CNOT10: variants seen among roughly 807,000 people sequenced by gnomAD.
CNOT10 encodes CCR4-NOT transcription complex, subunit 10.
In CNOT10, 30 loss-of-function variants were observed where a neutral mutation model predicts 94.6. The observed-to-expected ratio is 0.32, with a 90% CI of 0.24 to 0.43. The LOEUF is 0.43. CNOT10 is among the 20% of genes least tolerant of loss of function. The probability of loss-of-function intolerance (pLI) is 1.00; values close to 1 mark genes in which losing one functional copy is unlikely to be tolerated. For synonymous variants in CNOT10, 289 were observed against 301.6 expected (o/e 0.96, Z 0.43); for missense variants, 759 against 877.2 (o/e 0.87, Z 1.70).
intron 1 of CNOT10, among the ~76,000 whole-genome samples, chr3:32,699,924 A>G (rs909502958): frequency 9.2e-5 from 14 of 151,694 alleles, no homozygotes; most frequent in African/African-American, 3.4e-4. Context: ...TGTCTTCCAT[A>G]GAAACCTTAA....
chr3:32,755,757 C>CTTTTTTTTTTTTTTTTTTTT (rs66705516), intron 13 of CNOT10, among the ~76,000 whole-genome samples: 4 of 141,244 alleles, frequency 2.8e-5, no homozygotes, highest in African/African-American at 2.6e-5. Flanking sequence ...TTTTCCTTTC[C>CTTTTTTTTTTTTTTTTTTTT]TTTTTTTTTT....
Position 32,725,604 on chromosome 3 carries a change from G to A in CNOT10, c.1012+5G>A, listed in dbSNP as rs751920279. The stretch of plus-strand genomic sequence containing the variant: ...GTGCAGGTAGCACTGATCCAGGTAA[G>A]CCCAGTACTGGGGGACAGTTTGTAT... On this transcript the variant is annotated splice_donor_5th_base_variant and intron_variant, in intron 9 of 18. Coordinates refer to ENST00000328834, the MANE Select transcript of CNOT10 (RefSeq NM_015442.3). 6.2e-6 allele frequency: 10 copies of A among 1,602,420 alleles called. No individual in the cohort carries two copies. The highest frequency in any genetic ancestry group is 8.5e-6 in the Non-Finnish European group (10 of 1,174,952).
At position 32,773,439 on chromosome 3, in the gene CNOT10, C is replaced by T. The variant is rs147377664; in HGVS notation, c.2081-18C>T. On this transcript the variant is annotated intron_variant, in intron 18 of 18. Coordinates refer to ENST00000328834, the MANE Select transcript of CNOT10 (RefSeq NM_015442.3). ...TATTGTTCTGTGCTTTGTTTTTTAA[C>T]GGGAAGTGTTTTTATAGGTAATACT... is the stretch of plus-strand genomic sequence containing the variant. The T allele has an allele frequency of 8.8e-5, 141 of 1,599,804 alleles. 1 individual carries two copies. The Admixed American group carries it at 1.9e-3, about 21-fold the overall frequency.
chr3:32,687,477 A>C (rs1448323171), intron 1 of CNOT10, among the ~76,000 whole-genome samples: 2 of 664 alleles, frequency 3.0e-3, no homozygotes, highest in African/African-American at 6.3e-3. Context: ...TTTGAGACGG[A>C]GTCTCGCTCT....
At chr3:32,741,029 A>T (rs774936360) in intron 13 of CNOT10, among the ~76,000 whole-genome samples, 5 of 152,028 alleles carry the variant, frequency 3.3e-5, no homozygotes, top group Non-Finnish European at 7.4e-5. Context: ...TTACTACGAA[A>T]GATCCCTCAT....
At chr3:32,740,348 A>G (rs1423918716) in intron 13 of CNOT10, among the ~76,000 whole-genome samples, 2 of 152,110 alleles carry the variant, frequency 1.3e-5, no homozygotes, top group Admixed American at 6.6e-5. Context: ...AGTCCCAGCT[A>G]TTCGAGAGGC....
At chr3:32,714,159 A>G (rs1450006440) in intron 5 of CNOT10, among the ~76,000 whole-genome samples, 2 of 152,150 alleles carry the variant, frequency 1.3e-5, no homozygotes, top group South Asian at 2.1e-4. Context: ...ATTTCTCCAC[A>G]TTGTTACCAA....
chr3:32,748,046 C>T (rs1441185469), intron 13 of CNOT10, among the ~76,000 whole-genome samples: 3 of 152,120 alleles, frequency 2.0e-5, no homozygotes, highest in Non-Finnish European at 4.4e-5. Context: ...CTGTGTTAAC[C>T]AATCTAGTCC....
At chr3:32,735,679 C>T (rs1699157671) in intron 12 of CNOT10, among the ~76,000 whole-genome samples, 1 of 152,160 alleles carries the variant, frequency 6.6e-6, no homozygotes, top group Admixed American at 6.5e-5. Flanking sequence ...TGCACTCCAT[C>T]CAGCCTGGTG....
intron 1 of CNOT10, among the ~76,000 whole-genome samples, chr3:32,694,032 A>G (rs1013578841): frequency 1.3e-5 from 2 of 152,038 alleles, no homozygotes; most frequent in Non-Finnish European, 2.9e-5. Flanking sequence ...TTCTTGACAC[A>G]TGTTAAAATA....
chr3:32,749,702 G>A (rs148821169), intron 13 of CNOT10, among the ~76,000 whole-genome samples: 10 of 152,072 alleles, frequency 6.6e-5, no homozygotes, highest in South Asian at 2.1e-4. Flanking sequence ...GAGCCACTGC[G>A]GCCTGCCTTA....
At chr3:32,753,619 G>T in intron 13 of CNOT10, 1 of 1,577,424 alleles carries the variant, frequency 6.3e-7, no homozygotes, top group Non-Finnish European at 8.7e-7. Context: ...ATTCATAGCA[G>T]GTGTAAAGCA....
chr3:32,713,853 G>T (rs191015381), intron 5 of CNOT10, among the ~76,000 whole-genome samples: 13 of 152,060 alleles, frequency 8.5e-5, no homozygotes, highest in African/African-American at 2.9e-4. Context: ...CATGCCTTTT[G>T]TGGCTGAATA....
At chr3:32,735,011 C>T (rs771408039) in intron 12 of CNOT10, 35 bp downstream of exon 12, 2 of 1,544,952 alleles carry the variant, frequency 1.3e-6, no homozygotes, top group South Asian at 1.2e-5. Context: ...TTGGCAAAAT[C>T]CTTTCAGGAC....
At chr3:32,691,159 CTTTTT>C (rs34462848) in intron 1 of CNOT10, among the ~76,000 whole-genome samples, 1 of 88,176 alleles carries the variant, frequency 1.1e-5, no homozygotes, top group East Asian at 3.3e-4. Flanking sequence ...CCACAGCCAG[CTTTTT>C]TTTTTTTTTT....
At chr3:32,717,084 C>G in intron 6 of CNOT10, 70 bp from the exon 7 acceptor site, 1 of 877,806 alleles carries the variant, frequency 1.1e-6, no homozygotes, top group Non-Finnish European at 1.8e-6. Flanking sequence ...ATTGGGTTTT[C>G]TTAACTAGAA....
intron 12 of CNOT10, among the ~76,000 whole-genome samples, chr3:32,737,114 G>A (rs1352897938): frequency 6.6e-6 from 1 of 152,164 alleles, no homozygotes; most frequent in Admixed American, 6.5e-5. Flanking sequence ...GGGAGTTCGA[G>A]ACCAGCCTTG....
intron 8 of CNOT10, among the ~76,000 whole-genome samples, 170 bp from the exon 9 acceptor site, chr3:32,725,280 T>C (rs1262269089): frequency 6.6e-6 from 1 of 152,044 alleles, no homozygotes; most frequent in Non-Finnish European, 1.5e-5. Flanking sequence ...TTAAAAGGAG[T>C]TTTAAAATTT....
At chr3:32,769,461 A>G (rs1700802499) in intron 17 of CNOT10, 1 of 174,392 alleles carries the variant, frequency 5.7e-6, no homozygotes, top group African/African-American at 2.3e-5. Context: ...TGGAGACCTC[A>G]AACATGCTAC....
Sources: allele counts gnomAD v4.1 joint callset (sites outside exome capture counted in the v4.1 genomes callset), GRCh38; gene constraint gnomAD v4.1.1; transcripts MANE v1.5; gene names NCBI Gene and HGNC (gene_info 2026-07-23, HGNC 2026-07-21).